Variants in UNC5C observed in about 807,000 individuals in gnomAD.
UNC5C encodes netrin receptor UNC5C.
In UNC5C, 47 loss-of-function variants were observed where a neutral mutation model predicts 99.8. That is an observed-to-expected ratio of 0.47 (90% CI 0.37 to 0.60). The LOEUF (loss-of-function observed/expected upper bound fraction) is 0.60. Among genes scored for constraint, UNC5C ranks in the 20% least tolerant of loss-of-function variants. The probability of loss-of-function intolerance (pLI) is 0.00; values close to 1 mark genes in which losing one functional copy is unlikely to be tolerated. For synonymous variants in UNC5C, 487 were observed against 452.2 expected (o/e 1.08, Z -0.98); for missense variants, 1,062 against 1,165.9 (o/e 0.91, Z 1.30).
intron 1 of UNC5C, among the ~76,000 whole-genome samples, chr4:95,524,576 G>A (rs1722450894): frequency 6.6e-6 from 1 of 152,264 alleles, no homozygotes; most frequent in Admixed American, 6.5e-5. Context: ...CCATATTCCT[G>A]CAGTGAGAAC....
At chr4:95,463,695 C>A (rs1578177394) in intron 1 of UNC5C, among the ~76,000 whole-genome samples, 1 of 152,106 alleles carries the variant, frequency 6.6e-6, no homozygotes, top group African/African-American at 2.4e-5. Flanking sequence ...CAGAACACTG[C>A]AAATCTCAGC....
At chr4:95,283,492 G>A (rs1741131351) in intron 3 of UNC5C, among the ~76,000 whole-genome samples, 1 of 152,204 alleles carries the variant, frequency 6.6e-6, no homozygotes, top group African/African-American at 2.4e-5. Flanking sequence ...CAGCACAGAA[G>A]CCGCTCATTT....
chr4:95,471,608 G>A (rs1747970891), intron 1 of UNC5C, among the ~76,000 whole-genome samples: 2 of 152,078 alleles, frequency 1.3e-5, no homozygotes. Flanking sequence ...TTGATATCAT[G>A]ACATCTTATT....
chr4:95,380,580 A>C (rs1400024265), intron 1 of UNC5C, among the ~76,000 whole-genome samples: 1 of 151,958 alleles, frequency 6.6e-6, no homozygotes, highest in Non-Finnish European at 1.5e-5. Context: ...TTGGCCTACA[A>C]ACTATTTTTA....
At chr4:95,482,392 C>G (rs1721185380) in intron 1 of UNC5C, among the ~76,000 whole-genome samples, 1 of 151,554 alleles carries the variant, frequency 6.6e-6, no homozygotes, top group Admixed American at 6.6e-5. Context: ...GAAATAGGAA[C>G]ACTTTTATAC....
At chr4:95,176,218 C>T (rs1736336318) in intron 14 of UNC5C, among the ~76,000 whole-genome samples, 1 of 152,198 alleles carries the variant, frequency 6.6e-6, no homozygotes, top group Non-Finnish European at 1.5e-5. Context: ...GTAATTTGAT[C>T]ATCTGAAGCC....
intron 1 of UNC5C, among the ~76,000 whole-genome samples, chr4:95,505,600 T>C (rs1007776875): frequency 2.0e-5 from 3 of 152,248 alleles, no homozygotes; most frequent in African/African-American, 7.2e-5. Context: ...TGATCATTAT[T>C]TTGAAAAGTT....
At chr4:95,427,805 G>A (rs1014977977) in intron 1 of UNC5C, among the ~76,000 whole-genome samples, 1 of 151,972 alleles carries the variant, frequency 6.6e-6, no homozygotes, top group Non-Finnish European at 1.5e-5. Flanking sequence ...TTTGAGGTAT[G>A]TTCGTATTTG....
At chr4:95,314,155 A>G (rs1001370153) in intron 2 of UNC5C, among the ~76,000 whole-genome samples, 1 of 152,202 alleles carries the variant, frequency 6.6e-6, no homozygotes, top group African/African-American at 2.4e-5. Flanking sequence ...CACTAATTGA[A>G]AACTATATTA....
chr4:95,491,678 T>C (rs1233467985), intron 1 of UNC5C, among the ~76,000 whole-genome samples: 1 of 151,556 alleles, frequency 6.6e-6, no homozygotes, highest in Admixed American at 6.6e-5. Context: ...TATTTGAAAA[T>C]TATGAAGCAA....
At chr4:95,495,585 A>C (rs1560484368) in intron 1 of UNC5C, among the ~76,000 whole-genome samples, 1 of 151,702 alleles carries the variant, frequency 6.6e-6, no homozygotes, top group East Asian at 1.9e-4. Context: ...GAATCTTCAC[A>C]ACAATCTCAG....
At chr4:95,452,002 A>G (rs1463651015) in intron 1 of UNC5C, among the ~76,000 whole-genome samples, 1 of 152,164 alleles carries the variant, frequency 6.6e-6, no homozygotes, top group Non-Finnish European at 1.5e-5. Flanking sequence ...AAAGCAACCA[A>G]ACAATTTAAA....
intron 2 of UNC5C, among the ~76,000 whole-genome samples, chr4:95,331,462 C>T (rs1258766953): frequency 1.3e-5 from 2 of 152,006 alleles, no homozygotes; most frequent in African/African-American, 4.8e-5. Flanking sequence ...AAGGTAATAC[C>T]TACATGAGTC....
intron 1 of UNC5C, among the ~76,000 whole-genome samples, chr4:95,546,903 CCAAA>C (rs1723084605): frequency 6.6e-6 from 1 of 152,030 alleles, no homozygotes; most frequent in South Asian, 2.1e-4. Context: ...TGTCTTTTTC[CCAAA>C]CAGTTCTCTC....
intron 3 of UNC5C, among the ~76,000 whole-genome samples, chr4:95,293,598 C>T (rs186798655): frequency 3.3e-5 from 5 of 152,040 alleles, no homozygotes; most frequent in Non-Finnish European, 5.9e-5. Flanking sequence ...GGGATTACAA[C>T]GTAAGACATT....
At chr4:95,545,772 GCA>G (rs3975180) in intron 1 of UNC5C, among the ~76,000 whole-genome samples, 7,557 of 148,268 alleles carry the variant, frequency 0.051, 221 homozygotes, top group Non-Finnish European at 0.066. Flanking sequence ...GCGCGCGCGC[GCA>G]CACACACACA....
At chr4:95,433,856 ACTCATCTTCAGCCTT>A (rs111559938) in intron 1 of UNC5C, among the ~76,000 whole-genome samples, 7,810 of 151,848 alleles carry the variant, frequency 0.051, 237 homozygotes, top group Middle Eastern at 0.075. Context: ...TACCCAGCTC[ACTCATCTTCAGCCTT>A]CTCTCTTTTT....
chr4:95,458,068 T>C (rs1329350542), intron 1 of UNC5C, among the ~76,000 whole-genome samples: 3 of 152,172 alleles, frequency 2.0e-5, no homozygotes, highest in Non-Finnish European at 4.4e-5. Flanking sequence ...AGTGTGTGTG[T>C]ACATTTCCTC....
chr4:95,395,386 A>G (rs774710616), intron 1 of UNC5C, among the ~76,000 whole-genome samples: 5 of 152,170 alleles, frequency 3.3e-5, no homozygotes, highest in Non-Finnish European at 7.4e-5. Flanking sequence ...TTATTCTTAT[A>G]TGTCAAATTA....
Sources: gnomAD v4.1 joint callset for allele counts (sites outside exome capture counted in the v4.1 genomes callset) on GRCh38, gnomAD v4.1.1 for gene constraint, MANE v1.5 for transcripts, NCBI Gene and HGNC (gene_info 2026-07-23, HGNC 2026-07-21) for gene names.